STXBP5L: variants seen among roughly 807,000 people sequenced by gnomAD.
STXBP5L encodes the protein syntaxin binding protein 5L.
A neutral mutation model predicts 144.5 loss-of-function variants in STXBP5L; 65 were observed. The observed-to-expected ratio is 0.45, with a 90% CI of 0.37 to 0.55. The LOEUF (loss-of-function observed/expected upper bound fraction) is 0.55, where lower values mean the gene tolerates loss of function less well. Among genes scored for constraint, STXBP5L ranks in the 20% least tolerant of loss-of-function variants. The pLI, the probability that STXBP5L is intolerant of heterozygous loss-of-function variation, is 0.00. For missense variants in STXBP5L, 1,298 were observed against 1,405.5 expected, an observed-to-expected ratio of 0.92 and a Z score of 1.22; for synonymous variants, 505 against 469.6, an observed-to-expected ratio of 1.08 and a Z score of -0.97.
intron 3 of STXBP5L, among the ~76,000 whole-genome samples, chr3:121,030,540 A>G (rs1946292164): frequency 6.6e-6 from 1 of 152,026 alleles, no homozygotes; most frequent in African/African-American, 2.4e-5. Flanking sequence ...GGGGTGTGGG[A>G]CTAGGGGATG....
intron 5 of STXBP5L, among the ~76,000 whole-genome samples, chr3:121,090,784 T>G (rs1318329950): frequency 1.3e-5 from 2 of 152,174 alleles, no homozygotes; most frequent in Non-Finnish European, 2.9e-5. Context: ...TTTTTTATTT[T>G]TTTATTATTA....
chr3:120,968,975 G>C (rs1939922226), intron 3 of STXBP5L, among the ~76,000 whole-genome samples: 1 of 151,908 alleles, frequency 6.6e-6, no homozygotes, highest in South Asian at 2.1e-4. Flanking sequence ...CCATATCTTT[G>C]CAATTGTGAA....
At chr3:121,382,208 A>G (rs979908760) in intron 22 of STXBP5L, among the ~76,000 whole-genome samples, 1 of 151,910 alleles carries the variant, frequency 6.6e-6, no homozygotes, top group Non-Finnish European at 1.5e-5. Flanking sequence ...AAATTTTCAG[A>G]TAGTTTTTAA....
intron 2 of STXBP5L, among the ~76,000 whole-genome samples, chr3:120,952,486 G>T (rs1439987932): frequency 6.6e-6 from 1 of 151,862 alleles, no homozygotes; most frequent in Non-Finnish European, 1.5e-5. Flanking sequence ...TTGTTAGTAT[G>T]CAGGAATACA....
chr3:120,972,605 G>C (rs1259148501), intron 3 of STXBP5L, among the ~76,000 whole-genome samples: 2 of 152,008 alleles, frequency 1.3e-5, no homozygotes, highest in Non-Finnish European at 2.9e-5. Context: ...CCAGTACTAT[G>C]TTGAATAGGA....
chr3:121,029,845 A>G (rs1184790353), intron 3 of STXBP5L, among the ~76,000 whole-genome samples: 1 of 151,952 alleles, frequency 6.6e-6, no homozygotes, highest in Non-Finnish European at 1.5e-5. Context: ...GAAAAAAAAA[A>G]CCCCATGAAA....
chr3:121,209,486 G>A (rs936454834), intron 10 of STXBP5L, among the ~76,000 whole-genome samples: 29 of 152,070 alleles, frequency 1.9e-4, no homozygotes, highest in African/African-American at 7.0e-4. Flanking sequence ...ACAACGTGCA[G>A]GTTTGTTACA....
chr3:121,375,231 A>T (rs1349454329), intron 20 of STXBP5L, among the ~76,000 whole-genome samples: 1 of 152,218 alleles, frequency 6.6e-6, no homozygotes, highest in Non-Finnish European at 1.5e-5. Flanking sequence ...CTTGGAACAG[A>T]TATAAACATA....
intron 20 of STXBP5L, among the ~76,000 whole-genome samples, chr3:121,338,747 T>A (rs1165124240): frequency 6.6e-6 from 1 of 151,838 alleles, no homozygotes; most frequent in African/African-American, 2.4e-5. Context: ...TACAAAAGAT[T>A]ATTTAAGACT....
chr3:120,994,758 T>G (rs9811686), intron 3 of STXBP5L, among the ~76,000 whole-genome samples: 15,076 of 152,086 alleles, frequency 0.099, 1,175 homozygotes, highest in Admixed American at 0.2. Context: ...TTGCATGGTT[T>G]TCTGGTTTTT....
chr3:121,224,749 T>C (rs2049070225), intron 11 of STXBP5L, among the ~76,000 whole-genome samples: 1 of 152,172 alleles, frequency 6.6e-6, no homozygotes, highest in Admixed American at 6.6e-5. Flanking sequence ...AGAAACTGTC[T>C]TACAATATTT....
intron 19 of STXBP5L, among the ~76,000 whole-genome samples, chr3:121,317,955 A>G (rs1405914102): frequency 6.6e-6 from 1 of 152,074 alleles, no homozygotes; most frequent in Non-Finnish European, 1.5e-5. Flanking sequence ...TCCTGAGAGG[A>G]TATTTGATTA....
At chr3:121,261,266 C>T (rs1404911691) in intron 18 of STXBP5L, among the ~76,000 whole-genome samples, 2 of 152,142 alleles carry the variant, frequency 1.3e-5, no homozygotes, top group African/African-American at 4.8e-5. Context: ...AAAATGACAG[C>T]TTGGACATCT....
intron 3 of STXBP5L, among the ~76,000 whole-genome samples, chr3:121,029,462 A>C (rs1483926265): frequency 1.3e-5 from 2 of 152,212 alleles, no homozygotes; most frequent in Non-Finnish European, 2.9e-5. Context: ...TGGTGTTGGG[A>C]AAACTGGCTA....
chr3:120,949,268 T>A (rs1188760289), intron 2 of STXBP5L, among the ~76,000 whole-genome samples: 1 of 151,896 alleles, frequency 6.6e-6, no homozygotes, highest in Non-Finnish European at 1.5e-5. Flanking sequence ...ATTTATATTT[T>A]TATTTTTTGC....
At chr3:121,003,185 G>A (rs1448276251) in intron 3 of STXBP5L, among the ~76,000 whole-genome samples, 1 of 152,126 alleles carries the variant, frequency 6.6e-6, no homozygotes, top group African/African-American at 2.4e-5. Context: ...GTGTAAAAGT[G>A]TTCCTATTTC....
At chr3:121,104,658 A>G (rs533576383) in intron 5 of STXBP5L, among the ~76,000 whole-genome samples, 1 of 152,340 alleles carries the variant, frequency 6.6e-6, no homozygotes, top group Admixed American at 6.5e-5. Flanking sequence ...AGAACACCCA[A>G]TTCAACAAGT....
intron 18 of STXBP5L, among the ~76,000 whole-genome samples, chr3:121,277,862 T>C (rs1158055347): frequency 2.0e-5 from 3 of 152,048 alleles, no homozygotes; most frequent in Non-Finnish European, 2.9e-5. Context: ...TGCAGTTTCA[T>C]TGGTAGTAGC....
At chr3:120,971,505 ACTTT>A (rs1378456582) in intron 3 of STXBP5L, among the ~76,000 whole-genome samples, 1 of 151,366 alleles carries the variant, frequency 6.6e-6, no homozygotes, top group Non-Finnish European at 1.5e-5. Flanking sequence ...GTGGTTTTTG[ACTTT>A]CTATTTCTTT....
Sources: allele counts gnomAD v4.1 joint callset (sites outside exome capture counted in the v4.1 genomes callset), GRCh38; gene constraint gnomAD v4.1.1; transcripts MANE v1.5; gene names NCBI Gene and HGNC (gene_info 2026-07-23, HGNC 2026-07-21).